The following POU2F2 variants were observed in gnomAD, a reference collection of about 807,000 sequenced individuals.
POU2F2 encodes POU class 2 homeobox 2, also known as POU domain, class 2, transcription factor 2.
A neutral mutation model predicts 63.5 loss-of-function variants in POU2F2; 14 were observed. The ratio of observed to expected loss-of-function variants is 0.22; its 90% CI spans 0.15 to 0.34. The LOEUF (loss-of-function observed/expected upper bound fraction) is 0.34, where lower values mean the gene tolerates loss of function less well. POU2F2 is among the 10% of genes least tolerant of loss of function. POU2F2 has a pLI of 1.00. For synonymous variants in POU2F2, 306 were observed against 348.6 expected (o/e 0.88, Z 1.36); for missense variants, 607 against 815.2 (o/e 0.74, Z 3.11).
intron 1 of POU2F2, among the ~76,000 whole-genome samples, chr19:42,195,170 G>T (rs921407443): frequency 9.2e-5 from 13 of 140,714 alleles, no homozygotes; most frequent in African/African-American, 3.4e-4. Context: ...AAGGGAGGGG[G>T]AATGGAGGGA....
upstream of POU2F2, among the ~76,000 whole-genome samples, chr19:42,135,491 C>A (rs748641609): frequency 4.6e-5 from 7 of 152,036 alleles, no homozygotes; most frequent in Admixed American, 1.3e-4. Context: ...CAGACAAACA[C>A]ATACACAAAG....
rs1224344753 is a variant in POU2F2, at chr19:42,095,945, G to A, written c.730-16C>T. 1 of 1,610,920 alleles carries A rather than the reference G, an allele frequency of 6.2e-7. No homozygotes were observed. Among genetic ancestry groups the A allele is most frequent in the South Asian group, 1.1e-5 (1 of 90,706 alleles). On this transcript the variant is annotated splice_polypyrimidine_tract_variant and intron_variant, in intron 8 of 14. Transcript: ENST00000692977. This position sits in a 1 kb window ranked among gnomAD's most constrained non-coding sequence, Gnocchi z 7.1. ...CCACATCACCCTGGGCCAGTGGGGC[G>A]GGGAAGGGCCCGAAGTCAGGGTGGG...
At chr19:42,119,926 A>T (rs1568385440) in intron 4 of POU2F2, among the ~76,000 whole-genome samples, 1 of 149,712 alleles carries the variant, frequency 6.7e-6, no homozygotes. Flanking sequence ...TTTTATTTTA[A>T]TTTTTTTTTT....
At chr19:42,109,751 C>T (rs1201320793) in intron 5 of POU2F2, among the ~76,000 whole-genome samples, 2 of 152,124 alleles carry the variant, frequency 1.3e-5, no homozygotes, top group Admixed American at 6.5e-5. Context: ...GCCATCCTCC[C>T]GCTTCAGACT....
rs2076578783 is a variant in POU2F2, at chr19:42,087,233, C to T, written c.*4024G>A. The T allele has an allele frequency of 6.6e-6, 1 of 151,340 alleles. No homozygotes were observed. The highest frequency in any genetic ancestry group is 2.4e-5 in the African/African-American group (1 of 41,052). 9.4% of individuals were successfully genotyped at this position (151,340 alleles called of 1,614,324 possible). On this transcript the variant is annotated 3_prime_UTR_variant, in exon 15 of 15. Transcript: ENST00000692977. ...GCACTTGCCTTTCCCACTCAGAGAC[C>T]AGTGGGGGCCCGCGTGTCTCAATCT... is the stretch of plus-strand genomic sequence containing the variant.
chr19:42,148,832 C>T (rs1288782967), intron 2 of POU2F2, among the ~76,000 whole-genome samples: 1 of 150,234 alleles, frequency 6.7e-6, no homozygotes, highest in Non-Finnish European at 1.5e-5. Context: ...ATGAACCAGA[C>T]ACCAGTGATG....
intron 5 of POU2F2, chr19:42,116,790 G>A (rs770001323): frequency 3.6e-5 from 13 of 364,292 alleles, no homozygotes; most frequent in Non-Finnish European, 6.5e-5. Flanking sequence ...GTGGTGGCAG[G>A]TCACCCCCCC....
chr19:42,130,608 G>A (rs896384855), intron 1 of POU2F2, among the ~76,000 whole-genome samples: 2 of 151,876 alleles, frequency 1.3e-5, no homozygotes, highest in Non-Finnish European at 2.9e-5. Flanking sequence ...CTGGATCTCT[G>A]TGTCTACACT....
intron 2 of POU2F2, among the ~76,000 whole-genome samples, chr19:42,147,909 T>C (rs1470464036): frequency 6.6e-6 from 1 of 152,044 alleles, no homozygotes; most frequent in East Asian, 1.9e-4. Context: ...CTGACCCCTA[T>C]GAGGTAGTAG....
chr19:42,197,172 C>G (rs1396115414), upstream of POU2F2, among the ~76,000 whole-genome samples: 1 of 152,186 alleles, frequency 6.6e-6, no homozygotes, highest in Non-Finnish European at 1.5e-5. Flanking sequence ...GAGTGGAATT[C>G]CCCACCTCAT....
intron 1 of POU2F2, among the ~76,000 whole-genome samples, chr19:42,189,592 TC>T (rs1161375120): frequency 6.6e-6 from 1 of 152,198 alleles, no homozygotes; most frequent in African/African-American, 2.4e-5. Flanking sequence ...AGAGTCGGTC[TC>T]TGTTGCTGCA....
intron 5 of POU2F2, among the ~76,000 whole-genome samples, chr19:42,105,999 T>TTTTCTTTCTCTC (rs2029866058): frequency 7.6e-6 from 1 of 132,224 alleles, no homozygotes; most frequent in Non-Finnish European, 1.6e-5. Context: ...GATCTTTCTT[T>TTTTCTTTCTCTC]TTTCTTTCTT....
intron 2 of POU2F2, among the ~76,000 whole-genome samples, chr19:42,158,501 G>T (rs912471765): frequency 6.6e-6 from 1 of 152,176 alleles, no homozygotes; most frequent in Admixed American, 6.5e-5. Flanking sequence ...TTGCCTTCAC[G>T]CTCTGTGCCT....
chr19:42,134,219 G>C (rs866215676), upstream of POU2F2, among the ~76,000 whole-genome samples: 1 of 149,988 alleles, frequency 6.7e-6, no homozygotes, highest in Admixed American at 6.7e-5. Flanking sequence ...ACATTATGGG[G>C]GGGGGCAAAA....
upstream of POU2F2, among the ~76,000 whole-genome samples, chr19:42,133,969 C>T (rs1308146890): frequency 2.0e-5 from 3 of 150,928 alleles, no homozygotes; most frequent in African/African-American, 2.4e-5. This position sits in a 1 kb window ranked among gnomAD's most constrained non-coding sequence, Gnocchi z 5.1. Context: ...TATATGCACA[C>T]GAGAGGTGAC....
At chr19:42,125,281 G>A (rs556407016) in intron 1 of POU2F2, among the ~76,000 whole-genome samples, 3 of 151,344 alleles carry the variant, frequency 2.0e-5, no homozygotes, top group South Asian at 2.1e-4. Flanking sequence ...AAGGTCGCTC[G>A]AGCCCAGGAG....
intron 1 of POU2F2, among the ~76,000 whole-genome samples, chr19:42,182,672 T>C (rs1455481792): frequency 6.6e-6 from 1 of 152,024 alleles, no homozygotes; most frequent in African/African-American, 2.4e-5. Flanking sequence ...CCTAGCTCCC[T>C]AGGATGGGGC....
chr19:42,125,094 A>G (rs2146658131), intron 1 of POU2F2, among the ~76,000 whole-genome samples: 1 of 152,324 alleles, frequency 6.6e-6, no homozygotes, highest in South Asian at 2.1e-4. Context: ...AAACGCCAGC[A>G]CACAGTCCCA....
At chr19:42,184,784 G>A (rs1015665403) in intron 1 of POU2F2, among the ~76,000 whole-genome samples, 1 of 152,164 alleles carries the variant, frequency 6.6e-6, no homozygotes, top group Non-Finnish European at 1.5e-5. Context: ...TGTCTGGGCT[G>A]CTCTCCCAGG....
Sources: gnomAD v4.1 joint callset for allele counts (sites outside exome capture counted in the v4.1 genomes callset) on GRCh38, gnomAD v4.1.1 for gene constraint, Gnocchi (gnomAD v3.1) non-coding constraint, MANE v1.5 for transcripts, NCBI Gene and HGNC (gene_info 2026-07-23, HGNC 2026-07-21) for gene names.